Variants in SUGCT observed in about 807,000 individuals in gnomAD.
SUGCT encodes the protein succinyl-CoA:glutarate CoA-transferase.
In SUGCT, 41 loss-of-function variants were observed where a neutral mutation model predicts 55.0. The observed-to-expected ratio is 0.74, with a 90% CI of 0.58 to 0.97. SUGCT has a LOEUF of 0.97. Ranked by LOEUF, SUGCT falls within the 50% of genes least tolerant of loss-of-function variation. The probability of loss-of-function intolerance (pLI) is 0.00; values close to 1 mark genes in which losing one functional copy is unlikely to be tolerated. For synonymous variants in SUGCT, 187 were observed against 200.4 expected, an observed-to-expected ratio of 0.93 and a Z score of 0.56; for missense variants, 568 against 547.8, an observed-to-expected ratio of 1.04 and a Z score of -0.37.
At chr7:40,286,824 T>TTTTG (rs58407734) in intron 8 of SUGCT, among the ~76,000 whole-genome samples, 149,890 of 151,724 alleles carry the variant, frequency 0.99, 74,078 homozygotes, top group East Asian at 1. Flanking sequence ...ACAGGCTGTT[T>TTTTG]TTTGTTTGTT....
intron 9 of SUGCT, among the ~76,000 whole-genome samples, chr7:40,410,047 C>T (rs572829245): frequency 6.6e-6 from 1 of 151,826 alleles, no homozygotes; most frequent in African/African-American, 2.4e-5. Context: ...AATCTTTGCC[C>T]CTTGTGTAGC....
the SUGCT span, among the ~76,000 whole-genome samples, chr7:40,985,615 T>C: frequency 6.6e-6 from 1 of 152,252 alleles, no homozygotes; most frequent in East Asian, 1.9e-4. Flanking sequence ...TTGGGACATA[T>C]GAAGTTCAGG....
At chr7:40,263,070 G>A (rs1452495429) in intron 7 of SUGCT, among the ~76,000 whole-genome samples, 4 of 152,066 alleles carry the variant, frequency 2.6e-5, no homozygotes, top group Non-Finnish European at 4.4e-5. Context: ...TCACAGGTGC[G>A]TGCCACCATA....
chr7:40,518,620 T>C (rs1793372817), intron 12 of SUGCT, among the ~76,000 whole-genome samples: 1 of 152,118 alleles, frequency 6.6e-6, no homozygotes, highest in Admixed American at 6.6e-5. Flanking sequence ...ATCCCAGATG[T>C]CAGGAACTTA....
At chr7:40,145,370 C>A (rs367804885) in intron 1 of SUGCT, among the ~76,000 whole-genome samples, 1 of 151,960 alleles carries the variant, frequency 6.6e-6, no homozygotes, top group Admixed American at 6.6e-5. Flanking sequence ...TTTTTTTTCA[C>A]GACTTTCACA....
chr7:40,391,452 C>T (rs1337089549), intron 9 of SUGCT, among the ~76,000 whole-genome samples: 3 of 152,134 alleles, frequency 2.0e-5, no homozygotes, highest in Non-Finnish European at 4.4e-5. Context: ...AATCAAACAA[C>T]CCCATCAAAA....
At chr7:40,381,251 A>G (rs1285498081) in intron 9 of SUGCT, among the ~76,000 whole-genome samples, 2 of 152,018 alleles carry the variant, frequency 1.3e-5, no homozygotes, top group Admixed American at 6.6e-5. Context: ...AAAAATTAGT[A>G]GTAGTAGTAA....
intron 12 of SUGCT, among the ~76,000 whole-genome samples, chr7:40,707,954 T>C (rs1437414429): frequency 1.3e-5 from 2 of 152,134 alleles, no homozygotes; most frequent in Non-Finnish European, 2.9e-5. Context: ...GGAGAAGAAA[T>C]GAATTACAGA....
At chr7:40,664,979 CAAA>C (rs11344902) in intron 12 of SUGCT, among the ~76,000 whole-genome samples, 24,109 of 109,348 alleles carry the variant, frequency 0.22, 2,001 homozygotes, top group Middle Eastern at 0.27. Flanking sequence ...GACTCTGTCT[CAAA>C]AAAAAAAAAA....
At chr7:40,146,644 A>C (rs1267439536) in intron 1 of SUGCT, among the ~76,000 whole-genome samples, 3 of 152,236 alleles carry the variant, frequency 2.0e-5, no homozygotes, top group Non-Finnish European at 4.4e-5. Context: ...TTTGTGGTTT[A>C]AGAACGCCTT....
intron 12 of SUGCT, among the ~76,000 whole-genome samples, chr7:40,703,880 T>C (rs937496091): frequency 7.2e-5 from 11 of 152,156 alleles, no homozygotes; most frequent in Admixed American, 4.6e-4. Context: ...CTCCAGTCCA[T>C]TCGAAGAGAA....
At chr7:40,662,322 C>A (rs1253523667) in intron 12 of SUGCT, among the ~76,000 whole-genome samples, 1 of 152,246 alleles carries the variant, frequency 6.6e-6, no homozygotes, top group Non-Finnish European at 1.5e-5. Context: ...CGTCTCCTCA[C>A]ATCCTCTGTT....
At chr7:40,195,657 A>G (rs1308351443) in intron 6 of SUGCT, among the ~76,000 whole-genome samples, 1 of 151,856 alleles carries the variant, frequency 6.6e-6, no homozygotes, top group Non-Finnish European at 1.5e-5. Flanking sequence ...AAATGTTTAC[A>G]AAATACTGTT....
chr7:40,771,210 T>TC (rs779949449), intron 13 of SUGCT, among the ~76,000 whole-genome samples: 1 of 151,940 alleles, frequency 6.6e-6, no homozygotes, highest in African/African-American at 2.4e-5. Context: ...TACTTAGATT[T>TC]CCCCCCCAAC....
intron 8 of SUGCT, among the ~76,000 whole-genome samples, chr7:40,298,837 C>G (rs1220368191): frequency 6.6e-6 from 1 of 151,698 alleles, no homozygotes; most frequent in Non-Finnish European, 1.5e-5. Flanking sequence ...GCAATGATGG[C>G]TTTTTCACTA....
intron 12 of SUGCT, among the ~76,000 whole-genome samples, chr7:40,514,234 C>T (rs1793110765): frequency 6.6e-6 from 1 of 151,812 alleles, no homozygotes; most frequent in East Asian, 1.9e-4. Context: ...GCTTCACAGT[C>T]CTGATGTAGA....
the SUGCT span, among the ~76,000 whole-genome samples, chr7:40,911,484 A>G: frequency 6.6e-6 from 1 of 151,586 alleles, no homozygotes; most frequent in Non-Finnish European, 1.5e-5. Context: ...AGGAGGGTCA[A>G]CTGAGCCCGG....
intron 13 of SUGCT, among the ~76,000 whole-genome samples, chr7:40,810,662 T>C (rs775155344): frequency 2.0e-5 from 3 of 152,212 alleles, no homozygotes; most frequent in African/African-American, 4.8e-5. Flanking sequence ...TTCTAGGTAT[T>C]AGACCTTTGT....
At chr7:40,707,369 G>A (rs1785475065) in intron 12 of SUGCT, among the ~76,000 whole-genome samples, 1 of 151,516 alleles carries the variant, frequency 6.6e-6, no homozygotes, top group African/African-American at 2.4e-5. Flanking sequence ...CTTCTAAGTT[G>A]TCATCATATA....
Sources: allele counts gnomAD v4.1 joint callset (sites outside exome capture counted in the v4.1 genomes callset), GRCh38; gene constraint gnomAD v4.1.1; transcripts MANE v1.5; gene names NCBI Gene and HGNC (gene_info 2026-07-23, HGNC 2026-07-21).